Variants in CCDC30 observed in about 807,000 individuals in gnomAD.
CCDC30 encodes the protein coiled-coil domain containing 30.
Under a neutral mutation model 100.2 loss-of-function variants are expected in CCDC30, and 70 were observed. That is an observed-to-expected ratio of 0.70 (90% CI 0.58 to 0.85). CCDC30 has a LOEUF of 0.85. Among genes scored for constraint, CCDC30 ranks in the 40% least tolerant of loss-of-function variants. The pLI is 0.00. For missense variants in CCDC30, 652 were observed against 771.2 expected (o/e 0.85, Z 1.83); for synonymous variants, 233 against 269.5 (o/e 0.86, Z 1.33).
At chr1:42,555,149 A>C (rs1407129147) in intron 6 of CCDC30, among the ~76,000 whole-genome samples, 1 of 152,230 alleles carries the variant, frequency 6.6e-6, no homozygotes, top group African/African-American at 2.4e-5. Flanking sequence ...ATGGATTATT[A>C]CAACAGTCTC....
downstream of CCDC30, chr1:42,654,319 T>C: frequency 6.9e-6 from 2 of 291,522 alleles, no homozygotes; most frequent in South Asian, 1.2e-4. Context: ...TTTCCCATTA[T>C]CATGGGTATC....
intron 11 of CCDC30, among the ~76,000 whole-genome samples, chr1:42,613,345 C>T (rs1646661300): frequency 6.6e-6 from 1 of 152,190 alleles, no homozygotes; most frequent in African/African-American, 2.4e-5. Context: ...AGCTCCGCCT[C>T]CCAGGTTCAC....
At chr1:42,463,567 T>C (rs1176711774) in exon 1 of CCDC30, 1 of 152,362 alleles carries the variant, frequency 6.6e-6, no homozygotes, top group Non-Finnish European at 1.5e-5. Flanking sequence ...TGAAGGAGAA[T>C]TCGCCCGTTT....
intron 11 of CCDC30, among the ~76,000 whole-genome samples, chr1:42,631,173 G>C (rs1212169768): frequency 6.6e-6 from 1 of 152,154 alleles, no homozygotes; most frequent in Non-Finnish European, 1.5e-5. Context: ...CCTGCTTTAG[G>C]AGACTCCCCA....
intron 1 of CCDC30, among the ~76,000 whole-genome samples, chr1:42,477,354 C>T (rs139130730): frequency 6.4e-4 from 97 of 152,100 alleles, no homozygotes; most frequent in African/African-American, 2.3e-3. Context: ...CTCAGCCTCC[C>T]TAGTAGCTGG....
At position 42,539,750 on chromosome 1, in the gene CCDC30, A is replaced by G. The variant is rs146196152; in HGVS notation, c.457-26546A>G. 3.6e-4 allele frequency among the ~76,000 whole-genome samples: 55 copies of G among 152,276 alleles called. 1 individual carries two copies. The highest frequency in any genetic ancestry group is 1.2e-3 in the African/African-American group (49 of 41,568). On this transcript the variant is annotated intron_variant, in intron 6 of 16. Coordinates refer to ENST00000668663, the Ensembl canonical transcript of CCDC30. The stretch of plus-strand genomic sequence containing the variant: ...ACTGAAAATTGGGCTTAGAATTAGG[A>G]AAATGTTCAAATGTCCTGATTCAAG...
chr1:42,607,417 G>A (rs930520119), intron 10 of CCDC30, among the ~76,000 whole-genome samples: 7 of 151,972 alleles, frequency 4.6e-5, no homozygotes, highest in Non-Finnish European at 8.8e-5. Context: ...GTTCCCAGAT[G>A]CCGTTAAGAA....
At chr1:42,548,040 T>A (rs1224946531) in intron 6 of CCDC30, among the ~76,000 whole-genome samples, 1 of 152,224 alleles carries the variant, frequency 6.6e-6, no homozygotes, top group South Asian at 2.1e-4. Flanking sequence ...AGGGGAGATA[T>A]GGCATGTTCA....
chr1:42,512,228 A>G (rs1230981567), intron 6 of CCDC30, among the ~76,000 whole-genome samples: 1 of 152,062 alleles, frequency 6.6e-6, no homozygotes, highest in African/African-American at 2.4e-5. Context: ...TAAACCGACA[A>G]CCTTCCAGTG....
upstream of CCDC30, chr1:42,459,303 C>T (rs1372164110): frequency 6.5e-6 from 2 of 309,832 alleles, no homozygotes; most frequent in African/African-American, 4.2e-5. Flanking sequence ...GCTGGGACTA[C>T]AGGTGGGTGC....
intron 1 of CCDC30, chr1:42,473,174 A>G (rs1557789878): frequency 1.7e-5 from 21 of 1,231,058 alleles, no homozygotes; most frequent in Non-Finnish European, 2.0e-5. Flanking sequence ...GAAGAAATCA[A>G]TCCCCTTGCT....
At chr1:42,552,144 C>T (rs1411551580) in intron 6 of CCDC30, among the ~76,000 whole-genome samples, 2 of 151,952 alleles carry the variant, frequency 1.3e-5, no homozygotes, top group Non-Finnish European at 2.9e-5. Flanking sequence ...ATATTAAATC[C>T]CTGTATTCCC....
At chr1:42,615,279 T>C (rs931606700) in intron 11 of CCDC30, among the ~76,000 whole-genome samples, 1 of 152,164 alleles carries the variant, frequency 6.6e-6, no homozygotes, top group Non-Finnish European at 1.5e-5. Flanking sequence ...GAAAAACATC[T>C]TAAGCAACTC....
upstream of CCDC30, chr1:42,459,789 GTGTTTATT>G: frequency 6.2e-7 from 1 of 1,614,176 alleles, no homozygotes; most frequent in Non-Finnish European, 8.5e-7. Context: ...ACAGTCCTTT[GTGTTTATT>G]GTAACCAAAG....
At chr1:42,581,089 G>C in intron 8 of CCDC30, 1 of 379,426 alleles carries the variant, frequency 2.6e-6, no homozygotes, top group Non-Finnish European at 4.9e-6. Flanking sequence ...GATTCACCCA[G>C]CTCAGCCTCC....
chr1:42,500,677 TG>T (rs1462001718), intron 6 of CCDC30, among the ~76,000 whole-genome samples: 5 of 152,204 alleles, frequency 3.3e-5, no homozygotes, highest in African/African-American at 4.8e-5. Flanking sequence ...CCTCCCAAAG[TG>T]CTGGGATTAC....
At chr1:42,559,889 A>G (rs900101195) in intron 6 of CCDC30, among the ~76,000 whole-genome samples, 10 of 152,182 alleles carry the variant, frequency 6.6e-5, no homozygotes, top group African/African-American at 2.4e-4. Context: ...ACATAATTGG[A>G]AGTAAAACAC....
At chr1:42,462,665 T>C (rs1197438383), upstream of CCDC30, among the ~76,000 whole-genome samples, 1 of 152,228 alleles carries the variant, frequency 6.6e-6, no homozygotes, top group Non-Finnish European at 1.5e-5. Context: ...AAAAAGATGA[T>C]ATAAATTGAG....
rs113915722 is a variant in CCDC30, at chr1:42,534,221, A to AG, written c.457-32066dup. ...ACTCTAGGAAAAGACAAAGAAAATG[A>AG]GGGGGGGGGTTCATATTTAAGAGTT... On this transcript the variant is annotated intron_variant, in intron 6 of 16. Transcript: ENST00000668663. Among the ~76,000 whole-genome samples, 228 of 149,368 alleles carry AG rather than the reference A, an allele frequency of 1.5e-3. 1 individual carries two copies. Among genetic ancestry groups the AG allele is most frequent in the Admixed American group, 4.5e-3 (67 of 14,924 alleles).
Sources: gnomAD v4.1 joint callset for allele counts (sites outside exome capture counted in the v4.1 genomes callset) on GRCh38, gnomAD v4.1.1 for gene constraint, MANE v1.5 for transcripts, NCBI Gene and HGNC (gene_info 2026-07-23, HGNC 2026-07-21) for gene names.